Variants in TSPAN16 observed in about 807,000 individuals in gnomAD.
TSPAN16 encodes tetraspanin-16.
In TSPAN16, 23 loss-of-function variants were observed where a neutral mutation model predicts 25.2. The ratio of observed to expected loss-of-function variants is 0.91; its 90% confidence interval spans 0.66 to 1.29. The LOEUF (loss-of-function observed/expected upper bound fraction) is 1.29, where lower values mean the gene tolerates loss of function less well. Among genes scored for constraint, TSPAN16 ranks in the 50% most tolerant of loss-of-function variants. TSPAN16 has a pLI of 0.00. For missense variants in TSPAN16, 272 were observed against 299.9 expected (o/e 0.91, Z 0.69); for synonymous variants, 123 against 124.4 (o/e 0.99, Z 0.08).
At chr19:11,323,402 C>A (rs2080792727) in intron 6 of TSPAN16, 1 of 152,086 alleles carries the variant, frequency 6.6e-6, no homozygotes, top group Non-Finnish European at 1.5e-5. Flanking sequence ...ACAAGCCTCA[C>A]CAACATGGTG....
chr19:11,320,768 G>A (rs1168856090), downstream of TSPAN16, among the ~76,000 whole-genome samples: 1 of 152,134 alleles, frequency 6.6e-6, no homozygotes, highest in African/African-American at 2.4e-5. Flanking sequence ...GTGAGAAAGT[G>A]AGATTTGCAC....
rs2080544419 is a variant in TSPAN16, at chr19:11,301,233, G to A, written c.375G>A (p.Val125=). The change falls in exon 4 of 7, where the codon GTG becomes GTA. Residue 125 remains valine, a synonymous_variant. Coordinates refer to ENST00000590327, the MANE Select transcript of TSPAN16 (RefSeq NM_001282509.2). ...ATGTGGCCTTGGAACACACCTTCGT[G>A]ACCCTGAGGAAGAATTACAGAGGTT... ...VGDVALEHTF[V]TLRKNYRGYN... is the part of the protein sequence containing the mutation. 2 of 1,613,812 alleles carry A rather than the reference G, an allele frequency of 1.2e-6. No individual in the cohort carries two copies. The highest frequency in any genetic ancestry group is 1.7e-6 in the Non-Finnish European group (2 of 1,179,984).
chr19:11,296,245 G>C lies in TSPAN16; in HGVS notation c.-53G>C. ...TATCATCTTGGGAAACAGTAGCCCAGAGGTTCAGGAAGATGTTAACTTAAA... is the reference window on the plus strand; with the variant it reads ...TATCATCTTGGGAAACAGTAGCCCACAGGTTCAGGAAGATGTTAACTTAAA... On this transcript the variant is annotated 5_prime_UTR_variant, in exon 1 of 7. Transcript: ENST00000590327. The C allele has an allele frequency of 6.4e-7, 1 of 1,573,836 alleles. No homozygotes were observed. Among genetic ancestry groups the C allele is most frequent in the Non-Finnish European group, 8.7e-7 (1 of 1,144,618 alleles).
chr19:11,311,320 G>A (rs1282030909), intron 5 of TSPAN16, among the ~76,000 whole-genome samples: 1 of 152,106 alleles, frequency 6.6e-6, no homozygotes, highest in Non-Finnish European at 1.5e-5. Flanking sequence ...ATTTTTAGTA[G>A]AGATGGGGTT....
intron 6 of TSPAN16, among the ~76,000 whole-genome samples, chr19:11,315,161 G>A (rs973339713): frequency 2.0e-5 from 3 of 150,526 alleles, no homozygotes; most frequent in Non-Finnish European, 3.0e-5. Flanking sequence ...GCTTGAACCC[G>A]GGAGATGAAG....
intron 5 of TSPAN16, among the ~76,000 whole-genome samples, chr19:11,311,370 G>C (rs976401866): frequency 1.5e-5 from 2 of 132,062 alleles, no homozygotes; most frequent in South Asian, 4.9e-4. Flanking sequence ...TCCTGACCTC[G>C]TTATCCACCT....
chr19:11,320,679 A>G (rs1195732361), downstream of TSPAN16, among the ~76,000 whole-genome samples: 1 of 151,936 alleles, frequency 6.6e-6, no homozygotes, highest in African/African-American at 2.4e-5. Flanking sequence ...TCTCCAAAAA[A>G]AAAAAAAAGA....
At chr19:11,325,089 T>A in intron 6 of TSPAN16, 1 of 275,174 alleles carries the variant, frequency 3.6e-6, no homozygotes, top group Non-Finnish European at 7.1e-6. Flanking sequence ...TCAGAAAGAG[T>A]GGGACGTGTC....
downstream of TSPAN16, chr19:11,316,083 C>A: frequency 3.1e-6 from 1 of 321,440 alleles, no homozygotes; most frequent in Non-Finnish European, 4.3e-6. Flanking sequence ...GTAAATTATT[C>A]TTGGTGTGTG....
At chr19:11,306,469 G>C in intron 4 of TSPAN16, 135 bp from the exon 5 acceptor site, 1 of 1,077,754 alleles carries the variant, frequency 9.3e-7, no homozygotes, top group South Asian at 1.5e-5. Flanking sequence ...GCTGTGATGG[G>C]ATGTTTGTAA....
chr19:11,311,471 C>T (rs2080691901), intron 5 of TSPAN16, among the ~76,000 whole-genome samples: 1 of 151,934 alleles, frequency 6.6e-6, no homozygotes. Flanking sequence ...TGCTGTGTCC[C>T]CTGGGCTGGA....
At chr19:11,301,627 G>C (rs2147938375) in intron 4 of TSPAN16, among the ~76,000 whole-genome samples, 1 of 149,144 alleles carries the variant, frequency 6.7e-6, no homozygotes, top group Admixed American at 6.7e-5. Flanking sequence ...GCGACAGAGG[G>C]AGGCTCTGTT....
At chr19:11,315,263 A>AATAAT (rs1555705605) in intron 6 of TSPAN16, among the ~76,000 whole-genome samples, 82 of 131,616 alleles carry the variant, frequency 6.2e-4, no homozygotes, top group African/African-American at 2.5e-3. Flanking sequence ...TAATAATAAT[A>AATAAT]ATAATAATAA....
intron 5 of TSPAN16, among the ~76,000 whole-genome samples, chr19:11,310,982 C>A (rs1417380314): frequency 5.3e-5 from 8 of 152,070 alleles, no homozygotes; most frequent in Non-Finnish European, 1.0e-4. Flanking sequence ...GGACTACAGG[C>A]ACATACCACC....
downstream of TSPAN16, among the ~76,000 whole-genome samples, chr19:11,317,590 G>A (rs1216156677): frequency 6.6e-6 from 1 of 151,780 alleles, no homozygotes; most frequent in Non-Finnish European, 1.5e-5. Context: ...AGCCTTCCGG[G>A]TTCAAGTGAC....
intron 5 of TSPAN16, among the ~76,000 whole-genome samples, chr19:11,310,788 A>G (rs960349138): frequency 4.6e-5 from 7 of 152,194 alleles, no homozygotes; most frequent in Non-Finnish European, 1.0e-4. Flanking sequence ...AATGCTGGCT[A>G]CATGTCAGAC....
chr19:11,303,182 A>G lies in TSPAN16; in HGVS notation c.450+1874A>G, dbSNP rs1042664748. Among the ~76,000 whole-genome samples, 36 of 147,246 alleles carry G rather than the reference A, an allele frequency of 2.4e-4. 3 individuals carry two copies. Among genetic ancestry groups the G allele is most frequent in the African/African-American group, 9.4e-4 (35 of 37,372 alleles). On this transcript the variant is annotated intron_variant, in intron 4 of 6. Coordinates refer to ENST00000590327, the MANE Select transcript of TSPAN16 (RefSeq NM_001282509.2). ...CGTGTCTGTGTAGAAAGAAGTAGACATGGGAGACTTTTCATTTTGTTCTGT... is the reference window on the plus strand; with the variant it reads ...CGTGTCTGTGTAGAAAGAAGTAGACGTGGGAGACTTTTCATTTTGTTCTGT...
chr19:11,325,604 G>A, intron 6 of TSPAN16: 1 of 1,524,422 alleles, frequency 6.6e-7, no homozygotes, highest in Non-Finnish European at 8.7e-7. Flanking sequence ...ATGTTAAGGT[G>A]GGGACACTCG....
At chr19:11,302,451 TC>T (rs2080562438) in intron 4 of TSPAN16, among the ~76,000 whole-genome samples, 1 of 132,514 alleles carries the variant, frequency 7.5e-6, no homozygotes, top group African/African-American at 3.0e-5. Context: ...ATCGCTTGAA[TC>T]CGGGAGGCAG....
Sources: allele counts gnomAD v4.1 joint callset (sites outside exome capture counted in the v4.1 genomes callset), GRCh38; gene constraint gnomAD v4.1.1; transcripts MANE v1.5; gene names NCBI Gene and HGNC (gene_info 2026-07-23, HGNC 2026-07-21).